The following DCDC1 variants were observed in gnomAD, a reference collection of about 807,000 sequenced individuals.
The protein encoded by DCDC1 is doublecortin domain containing 1, also known as doublecortin domain-containing protein 1.
A neutral mutation model predicts 178.3 loss-of-function variants in DCDC1; 200 were observed. That is an observed-to-expected ratio of 1.12 (90% CI 1.00 to 1.26). The LOEUF is 1.26. DCDC1 is among the 50% of genes most tolerant of loss of function. The pLI is 0.00. For missense variants in DCDC1, 1,983 were observed against 1,749.2 expected (o/e 1.13, Z -2.38); for synonymous variants, 690 against 604.8 (o/e 1.14, Z -2.07).
chr11:31,060,720 A>G (rs1158352104), intron 20 of DCDC1, among the ~76,000 whole-genome samples: 2 of 152,118 alleles, frequency 1.3e-5, no homozygotes, highest in Admixed American at 6.6e-5. Context: ...TTTGGGAAAT[A>G]ACTAAATATT....
chr11:31,033,480 C>G (rs1313791469), intron 20 of DCDC1, among the ~76,000 whole-genome samples: 1 of 151,926 alleles, frequency 6.6e-6, no homozygotes, highest in Admixed American at 6.6e-5. Flanking sequence ...GTTGTTTCTT[C>G]TCTCCCATTC....
At chr11:31,366,893 G>C (rs929864875) in intron 1 of DCDC1, among the ~76,000 whole-genome samples, 1 of 152,328 alleles carries the variant, frequency 6.6e-6, no homozygotes, top group South Asian at 2.1e-4. Flanking sequence ...CGAAGAATGA[G>C]GGGTCTGGCA....
intron 20 of DCDC1, among the ~76,000 whole-genome samples, chr11:30,953,617 A>G (rs1565118431): frequency 6.6e-6 from 1 of 152,162 alleles, no homozygotes; most frequent in African/African-American, 2.4e-5. Flanking sequence ...ATAGAAATCA[A>G]TAACTTGGAA....
At chr11:31,242,685 A>G (rs952313089) in intron 8 of DCDC1, among the ~76,000 whole-genome samples, 1 of 151,944 alleles carries the variant, frequency 6.6e-6, no homozygotes, top group Non-Finnish European at 1.5e-5. Context: ...TATGTTGCAT[A>G]TTTTATGCAG....
chr11:31,279,829 T>C (rs1038460436), intron 7 of DCDC1, among the ~76,000 whole-genome samples: 15 of 152,090 alleles, frequency 9.9e-5, no homozygotes, highest in African/African-American at 3.6e-4. Context: ...GGCACGTGTA[T>C]ACCTAAGTAA....
rs1565383966 is a variant in DCDC1 at position 31,173,759 on chromosome 11, A to AAACAC, written c.1222-35976_1222-35975insGTGTT. 7.2e-4 allele frequency among the ~76,000 whole-genome samples: 94 copies of AAACAC among 130,532 alleles called. No individual in the cohort carries two copies. The East Asian group carries it at 0.013, about 17-fold the overall frequency. 85.6% of individuals were successfully genotyped at this position (130,532 alleles called of 152,430 possible). A position where few individuals can be genotyped will look rare whatever the true frequency, so the allele number is the denominator to read the frequency against. ...ACTTACACACACACACACACACACA[A>AAACAC]ACACACACACACCCCCACATCTTTT... On this transcript the variant is annotated intron_variant, in intron 9 of 38. Coordinates refer to ENST00000684477, the MANE Select transcript of DCDC1 (RefSeq NM_001387274.1).
intron 10 of DCDC1, among the ~76,000 whole-genome samples, chr11:31,131,314 GAA>G (rs1365244133): frequency 6.6e-6 from 1 of 152,120 alleles, no homozygotes; most frequent in Non-Finnish European, 1.5e-5. Context: ...ATGTGAAAAA[GAA>G]AAGAATGGTG....
chr11:30,866,858 G>A (rs1386887032), intron 38 of DCDC1, among the ~76,000 whole-genome samples: 1 of 152,104 alleles, frequency 6.6e-6, no homozygotes, highest in Non-Finnish European at 1.5e-5. Flanking sequence ...AGGTATTTGG[G>A]TCATGAGGGA....
chr11:31,084,222 TTAAG>T (rs1957350192), intron 17 of DCDC1, among the ~76,000 whole-genome samples: 1 of 152,194 alleles, frequency 6.6e-6, no homozygotes, highest in Non-Finnish European at 1.5e-5. Flanking sequence ...GGTTGCTACT[TTAAG>T]TACTAGTTCT....
At chr11:31,145,618 GGTAGA>G (rs1964354033) in intron 9 of DCDC1, among the ~76,000 whole-genome samples, 1 of 152,140 alleles carries the variant, frequency 6.6e-6, no homozygotes, top group South Asian at 2.1e-4. Flanking sequence ...CTTCTCTTTG[GGTAGA>G]GTAATGAGAA....
intron 20 of DCDC1, among the ~76,000 whole-genome samples, chr11:31,049,852 G>A (rs1436092833): frequency 1.3e-5 from 2 of 152,184 alleles, no homozygotes; most frequent in East Asian, 1.9e-4. Context: ...AAGGCCCTGG[G>A]AGCTTGCTGG....
chr11:31,325,559 G>A (rs1328282323), intron 3 of DCDC1, among the ~76,000 whole-genome samples: 1 of 152,086 alleles, frequency 6.6e-6, no homozygotes, highest in Non-Finnish European at 1.5e-5. Flanking sequence ...GCAGCATGGA[G>A]TGACAGCAGA....
At chr11:30,980,713 CAAAT>C (rs1277860857) in intron 20 of DCDC1, among the ~76,000 whole-genome samples, 1 of 152,058 alleles carries the variant, frequency 6.6e-6, no homozygotes, top group Admixed American at 6.6e-5. Context: ...TTGACATAAA[CAAAT>C]AAAATATGCC....
chr11:30,944,265 G>A, intron 21 of DCDC1: 1 of 454,376 alleles, frequency 2.2e-6, no homozygotes, highest in Non-Finnish European at 4.4e-6. Flanking sequence ...TTGACTCATA[G>A]CTTATACTTC....
intron 20 of DCDC1, among the ~76,000 whole-genome samples, chr11:31,041,851 A>T (rs181745373): frequency 7.4e-4 from 113 of 152,300 alleles, no homozygotes; most frequent in African/African-American, 2.7e-3. Context: ...ATGGTCTAAA[A>T]GATAAAAGAA....
chr11:31,171,349 A>G (rs1967214814), intron 9 of DCDC1, among the ~76,000 whole-genome samples: 1 of 152,208 alleles, frequency 6.6e-6, no homozygotes, highest in Middle Eastern at 3.2e-3. Flanking sequence ...CATGAAAAAA[A>G]AAAATGTGGC....
At chr11:31,015,766 G>A (rs960289735) in intron 20 of DCDC1, among the ~76,000 whole-genome samples, 1 of 152,194 alleles carries the variant, frequency 6.6e-6, no homozygotes, top group African/African-American at 2.4e-5. Context: ...AATCGATGCT[G>A]CAAAGTTAGG....
At chr11:31,340,976 T>G (rs1318422741) in intron 1 of DCDC1, among the ~76,000 whole-genome samples, 1 of 152,104 alleles carries the variant, frequency 6.6e-6, no homozygotes, top group African/African-American at 2.4e-5. Flanking sequence ...TCCATGGAAC[T>G]TGAGGTATCT....
chr11:31,235,713 T>C (rs1191722634), intron 9 of DCDC1, among the ~76,000 whole-genome samples: 1 of 152,054 alleles, frequency 6.6e-6, no homozygotes, highest in African/African-American at 2.4e-5. Context: ...TTCATCAAAA[T>C]GTTCAGAATT....
Sources: gnomAD v4.1 joint callset for allele counts (sites outside exome capture counted in the v4.1 genomes callset) on GRCh38, gnomAD v4.1.1 for gene constraint, MANE v1.5 for transcripts, NCBI Gene and HGNC (gene_info 2026-07-23, HGNC 2026-07-21) for gene names.